The following L3MBTL4 variants were observed in gnomAD, a reference collection of about 807,000 sequenced individuals.
L3MBTL4 encodes lethal(3)malignant brain tumor-like protein 4.
Under a neutral mutation model 84.5 loss-of-function variants are expected in L3MBTL4, and 70 were observed. The observed-to-expected ratio is 0.83, with a 90% CI of 0.68 to 1.01. The LOEUF (loss-of-function observed/expected upper bound fraction) is 1.01, where lower values mean the gene tolerates loss of function less well. Ranked by LOEUF, L3MBTL4 falls within the 50% of genes least tolerant of loss-of-function variation. L3MBTL4 has a pLI of 0.00. For missense variants in L3MBTL4, 715 were observed against 754.8 expected, an observed-to-expected ratio of 0.95 and a Z score of 0.62; for synonymous variants, 274 against 259.8, an observed-to-expected ratio of 1.05 and a Z score of -0.52.
chr18:6,073,649 A>G (rs1473866503), intron 16 of L3MBTL4, among the ~76,000 whole-genome samples: 6 of 152,182 alleles, frequency 3.9e-5, no homozygotes, highest in Admixed American at 3.9e-4. Flanking sequence ...CTCACTTAGC[A>G]TGGTAGTCAG....
chr18:6,338,211 C>T (rs781715027), intron 1 of L3MBTL4, among the ~76,000 whole-genome samples: 46 of 149,724 alleles, frequency 3.1e-4, no homozygotes, highest in African/African-American at 1.0e-3. Flanking sequence ...AGAAGAAAAG[C>T]GGAGGAGGAG....
At chr18:6,337,714 G>A (rs2052410721) in intron 1 of L3MBTL4, among the ~76,000 whole-genome samples, 1 of 152,102 alleles carries the variant, frequency 6.6e-6, no homozygotes, top group South Asian at 2.1e-4. Flanking sequence ...TCACTAAGCT[G>A]AACACGTATG....
chr18:6,166,849 A>T (rs1321534136), intron 13 of L3MBTL4, among the ~76,000 whole-genome samples: 1 of 152,158 alleles, frequency 6.6e-6, no homozygotes, highest in African/African-American at 2.4e-5. Context: ...ACAAGGAAAT[A>T]GACATAAAAA....
rs143975361 is a variant in L3MBTL4, at chr18:6,208,348, C to G, written c.981+4801G>C. Among the ~76,000 whole-genome samples the G allele has an allele frequency of 3.9e-4, 60 of 152,228 alleles. 1 individual carries two copies. In the East Asian group the frequency reaches 6.8e-3, roughly 17 times the overall value. On this transcript the variant is annotated intron_variant, in intron 12 of 18. Transcript: ENST00000317931. ...CCCAAAATAGTTTCTAGTTACATAA[C>G]TAGACAGCCATAACAATTTCTCTTG...
At chr18:6,154,225 C>A (rs1374536905) in intron 13 of L3MBTL4, among the ~76,000 whole-genome samples, 1 of 152,112 alleles carries the variant, frequency 6.6e-6, no homozygotes, top group Admixed American at 6.6e-5. Flanking sequence ...TTTCTCTATT[C>A]ACATCTCTTA....
chr18:6,095,238 C>T (rs577656195), intron 14 of L3MBTL4, among the ~76,000 whole-genome samples: 9 of 152,132 alleles, frequency 5.9e-5, no homozygotes, highest in East Asian at 5.8e-4. Context: ...AGACAACAGG[C>T]TCACACAGTG....
chr18:6,050,559 AG>A (rs2056801890), intron 16 of L3MBTL4, among the ~76,000 whole-genome samples: 1 of 152,238 alleles, frequency 6.6e-6, no homozygotes, highest in South Asian at 2.1e-4. Flanking sequence ...TATATAGCTT[AG>A]GGCAACTCAA....
At chr18:6,246,814 G>A (rs1423986474) in intron 5 of L3MBTL4, among the ~76,000 whole-genome samples, 2 of 152,086 alleles carry the variant, frequency 1.3e-5, no homozygotes, top group African/African-American at 4.8e-5. Flanking sequence ...TGAGGCAGGA[G>A]AATCGCTTGA....
At chr18:6,046,694 C>A (rs375528099) in intron 16 of L3MBTL4, 14 of 758,958 alleles carry the variant, frequency 1.8e-5, no homozygotes, top group Middle Eastern at 2.3e-4. Context: ...AAAAAAAAGT[C>A]TTTGAAATAA....
intron 4 of L3MBTL4, among the ~76,000 whole-genome samples, chr18:6,286,651 A>G (rs1454621548): frequency 6.6e-6 from 1 of 152,200 alleles, no homozygotes; most frequent in Non-Finnish European, 1.5e-5. Flanking sequence ...ATTTTATTTC[A>G]TTTCACCATA....
intron 10 of L3MBTL4, among the ~76,000 whole-genome samples, chr18:6,226,313 C>T (rs978920441): frequency 2.0e-5 from 3 of 151,948 alleles, no homozygotes; most frequent in Non-Finnish European, 4.4e-5. Flanking sequence ...GGCTGAGGCA[C>T]AAGAATCACT....
At chr18:6,134,531 G>T (rs2059973489) in intron 14 of L3MBTL4, among the ~76,000 whole-genome samples, 1 of 152,136 alleles carries the variant, frequency 6.6e-6, no homozygotes, top group South Asian at 2.1e-4. Context: ...ATACAATGGG[G>T]GTACAGGTAC....
chr18:6,104,779 C>T (rs978946788), intron 14 of L3MBTL4, among the ~76,000 whole-genome samples: 3 of 152,172 alleles, frequency 2.0e-5, no homozygotes, highest in Non-Finnish European at 4.4e-5. Context: ...ATTCCATAGT[C>T]TTCAGATAAA....
At chr18:6,030,374 T>A in intron 16 of L3MBTL4, 5 of 985,392 alleles carry the variant, frequency 5.1e-6, no homozygotes, top group South Asian at 4.7e-5. Flanking sequence ...TCTGGGAGAA[T>A]TAGACTGTGA....
At chr18:6,160,185 C>A (rs1301609109) in intron 13 of L3MBTL4, among the ~76,000 whole-genome samples, 3 of 152,256 alleles carry the variant, frequency 2.0e-5, no homozygotes, top group East Asian at 1.9e-4. Flanking sequence ...GAGTGAGGAG[C>A]AAGGGTGAAA....
intron 13 of L3MBTL4, among the ~76,000 whole-genome samples, chr18:6,156,227 C>T (rs1458794575): frequency 6.6e-6 from 1 of 152,230 alleles, no homozygotes; most frequent in Non-Finnish European, 1.5e-5. Flanking sequence ...CACTATGGCA[C>T]TACCACGCCA....
At position 5,955,422 on chromosome 18, in the gene L3MBTL4, T is replaced by G. The variant is rs1237262096; in HGVS notation, c.*798A>C. 2 of 151,954 alleles carry G rather than the reference T, an allele frequency of 1.3e-5. No homozygotes were observed. Among genetic ancestry groups the G allele is most frequent in the East Asian group, 3.9e-4 (2 of 5,160 alleles). The allele number at this position is 151,954 out of a possible 1,614,324, so 9.4% of individuals were successfully genotyped here. A position where few individuals can be genotyped will look rare whatever the true frequency, so the allele number is the denominator to read the frequency against. On this transcript the variant is annotated 3_prime_UTR_variant, in exon 19 of 19. Coordinates refer to ENST00000317931, the MANE Select transcript of L3MBTL4 (RefSeq NM_001330559.2). Reference sequence around the variant, plus strand: ...CCTTCAGAGTGGGAGCAGGGAGGAGTTCTGTGCAGGTGAGCGTCTGGCCCA... The same window carrying G: ...CCTTCAGAGTGGGAGCAGGGAGGAGGTCTGTGCAGGTGAGCGTCTGGCCCA...
chr18:5,986,376 G>A (rs888503844), intron 16 of L3MBTL4, among the ~76,000 whole-genome samples: 2 of 152,186 alleles, frequency 1.3e-5, no homozygotes, highest in Admixed American at 1.3e-4. Flanking sequence ...CCCGGAACCT[G>A]ACTTCCATTT....
At chr18:6,152,584 T>C (rs974531787) in intron 13 of L3MBTL4, among the ~76,000 whole-genome samples, 3 of 152,306 alleles carry the variant, frequency 2.0e-5, no homozygotes, top group Admixed American at 6.5e-5. Context: ...CCATTTTTAA[T>C]TATTTAATCA....
Sources: allele counts gnomAD v4.1 joint callset (sites outside exome capture counted in the v4.1 genomes callset), GRCh38; gene constraint gnomAD v4.1.1; transcripts MANE v1.5; gene names NCBI Gene and HGNC (gene_info 2026-07-23, HGNC 2026-07-21).